Variants in ARPC4 observed in about 807,000 individuals in gnomAD.
The protein encoded by ARPC4 is actin related protein 2/3 complex subunit 4, also known as actin-related protein 2/3 complex subunit 4.
Under a neutral mutation model 22.8 loss-of-function variants are expected in ARPC4, and 3 were observed. The observed-to-expected ratio is 0.13, with a 90% confidence interval of 0.06 to 0.34. The LOEUF (loss-of-function observed/expected upper bound fraction) is 0.34, where lower values mean the gene tolerates loss of function less well. Among genes scored for constraint, ARPC4 ranks in the 10% least tolerant of loss-of-function variants. The pLI is 1.00. For missense variants in ARPC4, 98 were observed against 211.0 expected (o/e 0.46, Z 3.32); for synonymous variants, 80 against 72.5 (o/e 1.10, Z -0.52).
chr3:9,806,113 G>A, intron 5 of ARPC4, 97 bp from the exon 6 acceptor site: 1 of 1,387,464 alleles, frequency 7.2e-7, no homozygotes, highest in Non-Finnish European at 1.0e-6. Context: ...ACAGATATGA[G>A]CACAGTGGCA....
At chr3:9,799,626 A>G (rs1281386328) in intron 2 of ARPC4, among the ~76,000 whole-genome samples, 1 of 152,122 alleles carries the variant, frequency 6.6e-6, no homozygotes, top group African/African-American at 2.4e-5. Context: ...TATTTTTAGT[A>G]CAAATGGGAT....
At position 9,800,333 on chromosome 3, in the gene ARPC4, C is replaced by G. The variant is rs920284040; in HGVS notation, c.234+37C>G. 4 of 1,594,124 alleles carry G rather than the reference C, an allele frequency of 2.5e-6. No individual in the cohort carries two copies. The African/African-American group carries it at 5.4e-5, about 21-fold the overall frequency. On this transcript the variant is annotated intron_variant, in intron 3 of 5. Coordinates refer to ENST00000397261, the MANE Select transcript of ARPC4 (RefSeq NM_005718.5). The stretch of plus-strand genomic sequence containing the variant: ...ATGGAGGAGGCCCAACGTAAGGCCT[C>G]TTTCAGTCCTTTCAGCCTCTTTCAG...
chr3:9,795,481 A>G (rs2078863120), intron 1 of ARPC4, among the ~76,000 whole-genome samples: 1 of 152,140 alleles, frequency 6.6e-6, no homozygotes, highest in Non-Finnish European at 1.5e-5. Flanking sequence ...CCCCCTTAAG[A>G]GAAAAGCTAA....
chr3:9,800,299 A>C lies in ARPC4; in HGVS notation c.234+3A>C. The C allele has an allele frequency of 6.2e-7, 1 of 1,613,962 alleles. No homozygotes were observed. Among genetic ancestry groups the C allele is most frequent in the African/African-American group, 1.3e-5 (1 of 75,002 alleles). ...GGGTCAGCATTGCTGTGAAACAGGT[A>C]AGTTCACCATGGAGGAGGCCCAACG... On this transcript the variant is annotated splice_donor_region_variant and intron_variant, in intron 3 of 5. Transcript: ENST00000397261.
intron 5 of ARPC4, 67 bp downstream of exon 5, chr3:9,804,080 C>G: frequency 6.4e-7 from 1 of 1,567,360 alleles, no homozygotes; most frequent in Non-Finnish European, 8.7e-7. Flanking sequence ...GAGAACTTAG[C>G]ATCTGGTGGG....
At chr3:9,798,962 C>A (rs534475576) in intron 2 of ARPC4, among the ~76,000 whole-genome samples, 9 of 152,150 alleles carry the variant, frequency 5.9e-5, no homozygotes, top group African/African-American at 2.2e-4. Context: ...TTAAATGATA[C>A]GATTTAATTT....
intron 5 of ARPC4, 65 bp downstream of exon 5, chr3:9,804,078 A>G (rs2125650375): frequency 6.3e-7 from 1 of 1,575,438 alleles, no homozygotes; most frequent in Non-Finnish European, 8.7e-7. Flanking sequence ...TTGAGAACTT[A>G]GCATCTGGTG....
chr3:9,803,780 C>A, intron 4 of ARPC4, 63 bp from the exon 5 acceptor site: 2 of 1,536,346 alleles, frequency 1.3e-6, no homozygotes, highest in Non-Finnish European at 1.8e-6. Context: ...CAGCTCAGTT[C>A]CCATGGGGTG....
intron 3 of ARPC4, among the ~76,000 whole-genome samples, chr3:9,801,081 C>T (rs1360035661): frequency 6.6e-6 from 1 of 151,692 alleles, no homozygotes; most frequent in African/African-American, 2.4e-5. Context: ...CGTGGTGGCA[C>T]GCGCCTGTAA....
intron 2 of ARPC4, 114 bp downstream of exon 2, chr3:9,797,891 AT>A: frequency 7.1e-6 from 8 of 1,126,206 alleles, no homozygotes; most frequent in Non-Finnish European, 9.9e-6. Flanking sequence ...TGCAGTTGAC[AT>A]TTTGTCTTGC....
intron 1 of ARPC4, among the ~76,000 whole-genome samples, chr3:9,794,095 G>C (rs1400257255): frequency 2.0e-5 from 3 of 151,880 alleles, no homozygotes; most frequent in Non-Finnish European, 4.4e-5. Context: ...CATGCCTCTT[G>C]ATTTTTAAAA....
chr3:9,802,476 C>T (rs1167790152), intron 4 of ARPC4, among the ~76,000 whole-genome samples: 5 of 149,328 alleles, frequency 3.3e-5, no homozygotes, highest in African/African-American at 9.9e-5. Flanking sequence ...CCCGGGTTCA[C>T]GCCATTCTCC....
chr3:9,795,663 A>G (rs2125637055), intron 1 of ARPC4, among the ~76,000 whole-genome samples: 1 of 152,258 alleles, frequency 6.6e-6, no homozygotes, highest in East Asian at 1.9e-4. Flanking sequence ...TCTTTCGCTT[A>G]TTTATTCTAC....
intron 1 of ARPC4, among the ~76,000 whole-genome samples, chr3:9,794,943 C>CT (rs914050538): frequency 3.3e-5 from 5 of 152,202 alleles, no homozygotes; most frequent in South Asian, 4.1e-4. Context: ...AATAGTTACT[C>CT]TTTTTTTATT....
At chr3:9,793,152 A>T in intron 1 of ARPC4, 28 bp downstream of exon 1, 1 of 1,535,930 alleles carries the variant, frequency 6.5e-7, no homozygotes, top group Admixed American at 2.0e-5. Flanking sequence ...CCGGCCAGGG[A>T]CCCCCGGCTG....
At position 9,793,109 on chromosome 3, in the gene ARPC4, G is replaced by T; in HGVS notation, c.-13G>T. ...TTCCGTACTTCCGCTTTCCGGCCCA[G>T]CCAGCGCCCGCGATGGTGAGAGAGC... On this transcript the variant is annotated 5_prime_UTR_variant, in exon 1 of 6. Coordinates refer to ENST00000397261, the MANE Select transcript of ARPC4 (RefSeq NM_005718.5). The T allele has an allele frequency of 1.9e-6, 3 of 1,544,056 alleles. No individual in the cohort carries two copies. The highest frequency in any genetic ancestry group is 2.6e-6 in the Non-Finnish European group (3 of 1,144,250).
At position 9,804,061 on chromosome 3, in the gene ARPC4, G is replaced by T. The variant is rs1017077617; in HGVS notation, c.501+48G>T. The T allele has an allele frequency of 1.9e-6, 3 of 1,596,284 alleles. No individual in the cohort carries two copies. The Admixed American group carries it at 5.1e-5, about 27-fold the overall frequency. On this transcript the variant is annotated intron_variant, in intron 5 of 5. Coordinates refer to ENST00000397261, the MANE Select transcript of ARPC4 (RefSeq NM_005718.5). ...CCTTCCAGAGGCCAGAGGATCTGGG[G>T]GTCATGTTGAGAACTTAGCATCTGG...
rs141945081 is a variant in ARPC4, at chr3:9,795,321, C to G, written c.3+2197C>G. On this transcript the variant is annotated intron_variant, in intron 1 of 5. Coordinates refer to ENST00000397261, the MANE Select transcript of ARPC4 (RefSeq NM_005718.5). ...TTTTTTTTCAGTTCCATTATCCACT[C>G]CATCTAATGTCAGTCCAACGCTTGT... Among the ~76,000 whole-genome samples, 589 of 152,194 alleles carry G rather than the reference C, an allele frequency of 3.9e-3. 4 individuals are homozygous for G. Among genetic ancestry groups the G allele is most frequent in the Middle Eastern group, 0.017 (5 of 294 alleles).
chr3:9,804,782 T>C (rs992959038), intron 5 of ARPC4, among the ~76,000 whole-genome samples: 1 of 152,186 alleles, frequency 6.6e-6, no homozygotes, highest in Non-Finnish European at 1.5e-5. Flanking sequence ...TATACCCGCT[T>C]CCCTTGGGAT....
Sources: allele counts gnomAD v4.1 joint callset (sites outside exome capture counted in the v4.1 genomes callset), GRCh38; gene constraint gnomAD v4.1.1; transcripts MANE v1.5; gene names NCBI Gene and HGNC (gene_info 2026-07-23, HGNC 2026-07-21).